LEPR: variants seen among roughly 807,000 people sequenced by gnomAD.
LEPR encodes OB receptor.
In LEPR, 56 loss-of-function variants were observed where a neutral mutation model predicts 114.7. That is an observed-to-expected ratio of 0.49 (90% CI 0.39 to 0.61). LEPR has a LOEUF of 0.61. LEPR is among the 20% of genes least tolerant of loss of function. LEPR has a pLI of 0.00. For synonymous variants in LEPR, 443 were observed against 461.4 expected (o/e 0.96, Z 0.51); for missense variants, 1,202 against 1,352.9 (o/e 0.89, Z 1.75).
intron 2 of LEPR, among the ~76,000 whole-genome samples, chr1:65,518,903 TTCTTTCTTTCTTTC>T (rs1215314322): frequency 0.025 from 2,789 of 112,514 alleles, 59 homozygotes; most frequent in Middle Eastern, 0.087. Context: ...CTTTCTTTCT[TTCTTTCTTTCTTTC>T]TCTCTTTCTC....
intron 2 of LEPR, among the ~76,000 whole-genome samples, chr1:65,500,815 T>C (rs927890224): frequency 6.6e-6 from 1 of 152,120 alleles, no homozygotes; most frequent in African/African-American, 2.4e-5. Context: ...AACCCCCACG[T>C]TGTTCAACTA....
At chr1:65,567,885 C>G (rs1479420570) in intron 3 of LEPR, among the ~76,000 whole-genome samples, 2 of 147,518 alleles carry the variant, frequency 1.4e-5, no homozygotes, top group Non-Finnish European at 3.0e-5. Context: ...ACATTTGTCA[C>G]AATTGATGAA....
At position 65,461,902 on chromosome 1, in the gene LEPR, A is replaced by G. The variant is rs190926528; in HGVS notation, c.-21+36524A>G. Among the ~76,000 whole-genome samples the G allele has an allele frequency of 2.6e-5, 4 of 152,326 alleles. No homozygotes were observed. In the East Asian group the frequency reaches 7.7e-4, roughly 29 times the overall value. On this transcript the variant is annotated intron_variant, in intron 2 of 19. Transcript: ENST00000349533. ...AACCCCAAACATCAGCCTAATCGTG[A>G]AAAAATCATCAGGCATCTCCCAGTT...
At chr1:65,465,156 G>C (rs1646994171) in intron 2 of LEPR, among the ~76,000 whole-genome samples, 1 of 152,158 alleles carries the variant, frequency 6.6e-6, no homozygotes, top group Middle Eastern at 3.2e-3. Flanking sequence ...TCTCTTGTGG[G>C]CAGTTAGTGC....
chr1:65,549,119 G>T (rs1383004641), intron 2 of LEPR, among the ~76,000 whole-genome samples: 2 of 151,598 alleles, frequency 1.3e-5, no homozygotes, highest in Admixed American at 6.6e-5. Flanking sequence ...TTTTCTTTAA[G>T]AATGTTGAAT....
chr1:65,536,217 G>A (rs1356226807), intron 2 of LEPR, among the ~76,000 whole-genome samples: 3 of 152,116 alleles, frequency 2.0e-5, no homozygotes, highest in African/African-American at 7.2e-5. Flanking sequence ...GTTCCTGTGA[G>A]CACTGATTTT....
chr1:65,584,870 A>T, intron 5 of LEPR, among the ~76,000 whole-genome samples: 1 of 151,240 alleles, frequency 6.6e-6, no homozygotes, highest in Admixed American at 6.6e-5. Flanking sequence ...TTGATTTTCC[A>T]TTTATTTGGT....
chr1:65,572,906 C>G (rs1027601720), intron 5 of LEPR, among the ~76,000 whole-genome samples: 4 of 152,192 alleles, frequency 2.6e-5, no homozygotes, highest in African/African-American at 4.8e-5. Context: ...CCAGCTGCTC[C>G]TATGCACAGC....
chr1:65,524,591 T>C (rs1440138396), intron 2 of LEPR, among the ~76,000 whole-genome samples: 1 of 152,216 alleles, frequency 6.6e-6, no homozygotes, highest in Non-Finnish European at 1.5e-5. Context: ...TACCCATCTC[T>C]GGGCTACTTC....
chr1:65,533,436 G>A (rs1177681), intron 2 of LEPR, among the ~76,000 whole-genome samples: 110,573 of 152,022 alleles, frequency 0.73, 41,307 homozygotes, highest in Middle Eastern at 0.9. Flanking sequence ...TTGTGCTATC[G>A]GATAGCAAGA....
chr1:65,596,697 C>T, intron 7 of LEPR, 104 bp downstream of exon 7: 1 of 1,012,024 alleles, frequency 9.9e-7, no homozygotes, highest in Non-Finnish European at 1.5e-6. Flanking sequence ...TACATTTCTT[C>T]TAAAGCAGAA....
intron 2 of LEPR, among the ~76,000 whole-genome samples, chr1:65,479,929 C>A (rs1647201059): frequency 6.6e-6 from 1 of 151,852 alleles, no homozygotes; most frequent in Non-Finnish European, 1.5e-5. Context: ...AAAAAACAAA[C>A]AAACAAACAA....
chr1:65,432,104 T>C, intron 2 of LEPR: 1 of 1,293,732 alleles, frequency 7.7e-7, no homozygotes, highest in Non-Finnish European at 9.8e-7. Context: ...AATAGACCTG[T>C]CAAATTTAGA....
chr1:65,602,740 G>C (rs1408730964), intron 10 of LEPR, among the ~76,000 whole-genome samples: 4 of 151,938 alleles, frequency 2.6e-5, no homozygotes, highest in African/African-American at 7.2e-5. Context: ...TTTTCAACTA[G>C]AAAAATAAAT....
intron 2 of LEPR, among the ~76,000 whole-genome samples, chr1:65,453,221 A>C (rs1373409090): frequency 1.3e-5 from 2 of 151,974 alleles, no homozygotes; most frequent in Non-Finnish European, 2.9e-5. Flanking sequence ...TGATCCTTTC[A>C]AAAAACCAGC....
chr1:65,431,308 C>T (rs1050091443), intron 2 of LEPR, among the ~76,000 whole-genome samples: 1 of 152,136 alleles, frequency 6.6e-6, no homozygotes, highest in African/African-American at 2.4e-5. Flanking sequence ...GTACTCTCAC[C>T]CCCAAATGTG....
chr1:65,544,676 T>C (rs1047926236), intron 2 of LEPR, among the ~76,000 whole-genome samples: 5 of 146,670 alleles, frequency 3.4e-5, no homozygotes, highest in Admixed American at 7.0e-5. Context: ...GAAGGCCTTT[T>C]CTGCATCTAT....
intron 2 of LEPR, among the ~76,000 whole-genome samples, chr1:65,515,281 C>T (rs914558454): frequency 1.3e-5 from 2 of 152,290 alleles, no homozygotes; most frequent in East Asian, 1.9e-4. Flanking sequence ...ACTCTGAGAA[C>T]GAATTTCAGT....
Position 65,598,800 on chromosome 1 carries a change from A to C in LEPR, c.990A>C (p.Thr330=). 2 of 1,613,254 alleles carry C rather than the reference A, an allele frequency of 1.2e-6. No homozygotes were observed. Among genetic ancestry groups the C allele is most frequent in the East Asian group, 2.2e-5 (1 of 44,864 alleles). The change falls in exon 8 of 20, where the codon ACA becomes ACC. Residue 330 remains threonine, a synonymous_variant. Transcript: ENST00000349533. ...SDWSTPRVFT[T]QDVIYFPPKI... ...GGAGTACTCCTCGTGTCTTTACCAC[A>C]CAAGGTAGGTTATGTAATAGCCACT...
Sources: gnomAD v4.1 joint callset for allele counts (sites outside exome capture counted in the v4.1 genomes callset) on GRCh38, gnomAD v4.1.1 for gene constraint, MANE v1.5 for transcripts, NCBI Gene and HGNC (gene_info 2026-07-23, HGNC 2026-07-21) for gene names.